The following NPFFR2 variants were observed in gnomAD, a reference collection of about 807,000 sequenced individuals.
NPFFR2 encodes G-protein coupled receptor 74.
Under a neutral mutation model 13.1 loss-of-function variants are expected in NPFFR2, and 15 were observed. The observed-to-expected ratio is 1.15, with a 90% CI of 0.77 to 1.76. The LOEUF (loss-of-function observed/expected upper bound fraction) is 1.76, where lower values mean the gene tolerates loss of function less well. NPFFR2 is among the 40% of genes most tolerant of loss of function. The probability of loss-of-function intolerance (pLI) is 0.00; values close to 1 mark genes in which losing one functional copy is unlikely to be tolerated. For missense variants in NPFFR2, 572 were observed against 503.5 expected (o/e 1.14, Z -1.30); for synonymous variants, 190 against 175.7 (o/e 1.08, Z -0.65).
chr4:72,120,379 T>C (rs1721833463), intron 1 of NPFFR2, among the ~76,000 whole-genome samples: 1 of 152,150 alleles, frequency 6.6e-6, no homozygotes, highest in Admixed American at 6.5e-5. Flanking sequence ...GAGCAGCAGA[T>C]CTCCCAGCAC....
At chr4:72,103,665 GC>G (rs1364540698) in intron 1 of NPFFR2, among the ~76,000 whole-genome samples, 1 of 151,814 alleles carries the variant, frequency 6.6e-6, no homozygotes, top group East Asian at 1.9e-4. Flanking sequence ...ATCTGTGAAG[GC>G]AATAAACTTT....
At chr4:72,119,412 A>G (rs1033091556) in intron 1 of NPFFR2, among the ~76,000 whole-genome samples, 1 of 152,208 alleles carries the variant, frequency 6.6e-6, no homozygotes, top group African/African-American at 2.4e-5. Flanking sequence ...TAAATGCAAT[A>G]TAACAATTTA....
intron 1 of NPFFR2, among the ~76,000 whole-genome samples, chr4:72,123,872 C>G (rs1721963420): frequency 6.6e-6 from 1 of 152,192 alleles, no homozygotes; most frequent in African/African-American, 2.4e-5. Flanking sequence ...GATGACCTCT[C>G]TCACCACTCC....
At position 72,062,564 on chromosome 4, in the gene NPFFR2, G is replaced by A. The variant is rs1460302746; in HGVS notation, c.-8+30364G>A. Among the ~76,000 whole-genome samples the A allele has an allele frequency of 2.7e-5, 4 of 149,920 alleles. No individual in the cohort carries two copies. The South Asian group carries it at 6.3e-4, about 23-fold the overall frequency. ...AAGTCGTGAGTCTTCATTCTTTCCC[G>A]TATCTATGTCCTTTCCAATGTGAAA... On this transcript the variant is annotated intron_variant, in intron 1 of 3. Coordinates refer to ENST00000308744, the MANE Select transcript of NPFFR2 (RefSeq NM_004885.3).
chr4:72,138,170 A>G, intron 3 of NPFFR2, 31 bp downstream of exon 3: 2 of 1,501,690 alleles, frequency 1.3e-6, no homozygotes, highest in South Asian at 1.2e-5. Flanking sequence ...GAATCCAGAA[A>G]AATTGGCATG....
intron 1 of NPFFR2, among the ~76,000 whole-genome samples, chr4:72,109,810 A>G (rs979074442): frequency 1.3e-5 from 2 of 151,962 alleles, no homozygotes; most frequent in African/African-American, 4.8e-5. Flanking sequence ...ATCTCTGTCC[A>G]ATGTGCAGGT....
At chr4:72,144,663 C>T (rs764621095) in intron 3 of NPFFR2, among the ~76,000 whole-genome samples, 6 of 152,122 alleles carry the variant, frequency 3.9e-5, no homozygotes, top group Non-Finnish European at 2.9e-5. Flanking sequence ...ATGCCCAGAG[C>T]TGAACTCATT....
intron 1 of NPFFR2, among the ~76,000 whole-genome samples, chr4:72,055,188 A>G (rs1248469662): frequency 1.3e-5 from 2 of 151,976 alleles, no homozygotes; most frequent in African/African-American, 2.4e-5. Flanking sequence ...GTGTTTGCAA[A>G]TTGAAAGTTT....
intron 2 of NPFFR2, among the ~76,000 whole-genome samples, chr4:72,132,029 CA>C (rs1483576431): frequency 1.1e-4 from 16 of 150,698 alleles, no homozygotes; most frequent in Non-Finnish European, 3.0e-5. Context: ...ATTTTTAATT[CA>C]GGGGTACATG....
At chr4:72,049,722 A>T (rs1719485664) in intron 1 of NPFFR2, among the ~76,000 whole-genome samples, 1 of 150,866 alleles carries the variant, frequency 6.6e-6, no homozygotes, top group Non-Finnish European at 1.5e-5. Flanking sequence ...AGATATTGTG[A>T]TAGAATAAGA....
chr4:72,092,580 C>G (rs1720944578), intron 1 of NPFFR2, among the ~76,000 whole-genome samples: 1 of 152,078 alleles, frequency 6.6e-6, no homozygotes, highest in Non-Finnish European at 1.5e-5. Flanking sequence ...GTCCTCTTAT[C>G]ATCGTATATT....
intron 1 of NPFFR2, chr4:72,039,304 C>A: frequency 2.6e-6 from 1 of 379,274 alleles, no homozygotes; most frequent in Non-Finnish European, 3.6e-6. Context: ...GTGATCCACC[C>A]ACCTCGGCCT....
At chr4:72,096,553 T>C (rs557926823) in intron 1 of NPFFR2, among the ~76,000 whole-genome samples, 2 of 152,262 alleles carry the variant, frequency 1.3e-5, no homozygotes, top group South Asian at 4.1e-4. Flanking sequence ...AGAACACCTA[T>C]CTCAATTAAA....
intron 1 of NPFFR2, among the ~76,000 whole-genome samples, chr4:72,033,909 G>T (rs1718985055): frequency 6.6e-6 from 1 of 152,142 alleles, no homozygotes; most frequent in Non-Finnish European, 1.5e-5. Flanking sequence ...CTCTGTGTGT[G>T]TGTGTGTGCA....
intron 1 of NPFFR2, among the ~76,000 whole-genome samples, chr4:72,074,571 A>G (rs1475274757): frequency 6.6e-6 from 1 of 152,080 alleles, no homozygotes; most frequent in Non-Finnish European, 1.5e-5. Flanking sequence ...ACTATCCATG[A>G]TTTTAGGCAT....
rs80235977 is a variant in NPFFR2, at chr4:72,087,344, A to G, written c.-7-41241A>G. Among the ~76,000 whole-genome samples, 878 of 152,234 alleles carry G rather than the reference A, an allele frequency of 5.8e-3. 5 individuals carry two copies. Among genetic ancestry groups the G allele is most frequent in the Non-Finnish European group, 8.2e-3 (556 of 68,002 alleles). ...AAAGTTCTGGGAAGAAAATCCAAAC[A>G]CAACATATAAAAATAAATTTCCATG... On this transcript the variant is annotated intron_variant, in intron 1 of 3. Transcript: ENST00000308744.
chr4:72,056,694 A>G (rs1327466455), intron 1 of NPFFR2, among the ~76,000 whole-genome samples: 3 of 152,032 alleles, frequency 2.0e-5, no homozygotes, highest in Non-Finnish European at 4.4e-5. Flanking sequence ...TTTGTGATTT[A>G]TGGGAGGTAG....
intron 3 of NPFFR2, among the ~76,000 whole-genome samples, chr4:72,145,599 A>G (rs1363511067): frequency 6.6e-6 from 1 of 152,180 alleles, no homozygotes; most frequent in Non-Finnish European, 1.5e-5. Flanking sequence ...TTGGATTAGA[A>G]GACTGGAAGA....
chr4:72,146,983 A>C lies in NPFFR2; in HGVS notation c.434A>C (p.Gln145Pro). ...ATATTTGTGTTTAATTGCAGGTTCC[A>C]GTGTGTGGTCTACCCTTTTAAACCA... ...TLVAIAVDRF[Q>P]CVVYPFKPKL... The change falls in exon 4 of 4, where the codon CAG (glutamine) becomes CCG (proline). Residue 145 changes from glutamine to proline, a missense_variant. Transcript: ENST00000308744. The C allele has an allele frequency of 6.2e-7, 1 of 1,605,050 alleles. No individual in the cohort carries two copies. The highest frequency in any genetic ancestry group is 2.2e-5 in the East Asian group (1 of 44,774).
Sources: allele counts gnomAD v4.1 joint callset (sites outside exome capture counted in the v4.1 genomes callset), GRCh38; gene constraint gnomAD v4.1.1; transcripts MANE v1.5; gene names NCBI Gene and HGNC (gene_info 2026-07-23, HGNC 2026-07-21).